PLOD2: variants seen among roughly 807,000 people sequenced by gnomAD.
PLOD2 encodes lysine hydroxylase 2.
A neutral mutation model predicts 101.0 loss-of-function variants in PLOD2; 65 were observed. That is an observed-to-expected ratio of 0.64 (90% CI 0.53 to 0.79). PLOD2 has a LOEUF of 0.79. Ranked by LOEUF, PLOD2 falls within the 30% of genes least tolerant of loss-of-function variation. The pLI, the probability that PLOD2 is intolerant of heterozygous loss-of-function variation, is 0.00. For synonymous variants in PLOD2, 314 were observed against 302.9 expected, an observed-to-expected ratio of 1.04 and a Z score of -0.38; for missense variants, 909 against 914.6, an observed-to-expected ratio of 0.99 and a Z score of 0.08.
At chr3:146,147,507 G>T (rs989125163) in intron 1 of PLOD2, among the ~76,000 whole-genome samples, 1 of 152,202 alleles carries the variant, frequency 6.6e-6, no homozygotes, top group Non-Finnish European at 1.5e-5. Flanking sequence ...TGACATTTGG[G>T]GCCAGATAAT....
chr3:146,142,738 AT>A (rs1232060535), intron 1 of PLOD2, among the ~76,000 whole-genome samples: 2 of 152,128 alleles, frequency 1.3e-5, no homozygotes, highest in Non-Finnish European at 2.9e-5. Context: ...AGTACAATAA[AT>A]AACAAACGAT....
intron 9 of PLOD2, 142 bp downstream of exon 9, chr3:146,088,444 C>A: frequency 1.6e-6 from 1 of 619,560 alleles, no homozygotes; most frequent in South Asian, 2.0e-5. Flanking sequence ...ATCCTTAGGT[C>A]CTAAAAAGGC....
At position 146,086,973 on chromosome 3, in the gene PLOD2, T is replaced by A. The variant is rs1315132400; in HGVS notation, c.1006-65A>T. ...CAATCAGATGACTGAAGTATTCATA[T>A]TAGAGAGTGCTTCACATTCAAGGTC... On this transcript the variant is annotated intron_variant, in intron 9 of 19. Transcript: ENST00000282903. 8.6e-6 allele frequency: 8 copies of A among 932,134 alleles called. No homozygotes were observed. The East Asian group carries it at 2.1e-4, about 24-fold the overall frequency. The allele number at this position is 932,134 out of a possible 1,614,324, so 57.7% of individuals were successfully genotyped here.
At chr3:146,126,414 AAC>A (rs1190508680) in intron 1 of PLOD2, among the ~76,000 whole-genome samples, 89 of 152,314 alleles carry the variant, frequency 5.8e-4, no homozygotes, top group Middle Eastern at 3.4e-3. Flanking sequence ...TCAAGAATTC[AAC>A]CATCTCACCA....
chr3:146,144,085 A>C (rs2031656898), intron 1 of PLOD2, among the ~76,000 whole-genome samples: 1 of 152,102 alleles, frequency 6.6e-6, no homozygotes, highest in African/African-American at 2.4e-5. Flanking sequence ...AATGTAACCA[A>C]AGATAAAAAG....
chr3:146,104,585 ACAC>A (rs1937503948), intron 5 of PLOD2, among the ~76,000 whole-genome samples: 1 of 152,242 alleles, frequency 6.6e-6, no homozygotes, highest in Non-Finnish European at 1.5e-5. Flanking sequence ...AACTACAAAC[ACAC>A]AAGTAACTTT....
At chr3:146,094,018 T>A (rs1937065235) in intron 7 of PLOD2, among the ~76,000 whole-genome samples, 2 of 152,076 alleles carry the variant, frequency 1.3e-5, no homozygotes, top group South Asian at 4.1e-4. Flanking sequence ...CACCCCCCAT[T>A]TACATCTGTT....
At chr3:146,152,909 A>G (rs936715593) in intron 1 of PLOD2, among the ~76,000 whole-genome samples, 12 of 152,126 alleles carry the variant, frequency 7.9e-5, no homozygotes, top group Admixed American at 4.6e-4. Context: ...GCCCTTGGTT[A>G]CTTAGTAAAG....
intron 1 of PLOD2, among the ~76,000 whole-genome samples, chr3:146,125,356 T>C (rs950881535): frequency 4.6e-5 from 7 of 151,282 alleles, no homozygotes; most frequent in African/African-American, 9.7e-5. Flanking sequence ...AAGTACAATA[T>C]ACAAAGAAAT....
intron 15 of PLOD2, among the ~76,000 whole-genome samples, chr3:146,074,525 A>C (rs1936263464): frequency 6.6e-6 from 1 of 151,460 alleles, no homozygotes; most frequent in African/African-American, 2.4e-5. Flanking sequence ...AAATTTTAAT[A>C]AATTTCATGT....
In PLOD2 at chr3:146,070,768, A is replaced by G; in HGVS notation, c.2226T>C (p.Leu742=). ...PGRLTHLHEG[L]PVKNGTRYIA... is the part of the protein sequence containing the mutation. ...TGTATCTTGTTCCATTTTTAACAGGAAGTCCTTCATGCAAATGTGTGAGTC... is the reference window on the plus strand; with the variant it reads ...TGTATCTTGTTCCATTTTTAACAGGGAGTCCTTCATGCAAATGTGTGAGTC... Residue 742 remains leucine, a synonymous_variant, in exon 20 of 20, where the codon CTT becomes CTC. Transcript: ENST00000282903. 6.2e-7 allele frequency: 1 copy of G among 1,609,526 alleles called. No homozygotes were observed. The highest frequency in any genetic ancestry group is 8.5e-7 in the Non-Finnish European group (1 of 1,176,514).
At position 146,073,372 on chromosome 3, in the gene PLOD2, T is replaced by C. The variant is rs768904046; in HGVS notation, c.1678-20A>G. 3.5e-6 allele frequency: 3 copies of C among 861,068 alleles called. No homozygotes were observed. The South Asian group carries it at 4.7e-5, about 14-fold the overall frequency. The allele number at this position is 861,068 out of a possible 1,614,324, so 53.3% of individuals were successfully genotyped here. ...CCAGTCCTATAAAAAGAAGTACATATTAAAACAAATATCTTTATAAATACT... is the reference window on the plus strand; with the variant it reads ...CCAGTCCTATAAAAAGAAGTACATACTAAAACAAATATCTTTATAAATACT... On this transcript the variant is annotated intron_variant, in intron 15 of 19. Transcript: ENST00000282903.
chr3:146,114,007 C>G (rs1415158940), intron 3 of PLOD2, among the ~76,000 whole-genome samples: 2 of 152,118 alleles, frequency 1.3e-5, no homozygotes, highest in African/African-American at 4.8e-5. Flanking sequence ...GTCTGTCTTA[C>G]ACGGTTGCAG....
At chr3:146,155,905 T>C (rs1323450433) in intron 1 of PLOD2, among the ~76,000 whole-genome samples, 1 of 152,140 alleles carries the variant, frequency 6.6e-6, no homozygotes, top group Non-Finnish European at 1.5e-5. Flanking sequence ...AAATACTCAT[T>C]GATAAACGTG....
rs2032557861 is a variant in PLOD2 at position 146,161,046 on chromosome 3, T to C, written c.-57A>G. 1 of 1,256,138 alleles carries C rather than the reference T, an allele frequency of 8.0e-7. No individual in the cohort carries two copies. Among genetic ancestry groups the C allele is most frequent in the African/African-American group, 1.5e-5 (1 of 66,790 alleles). The allele number at this position is 1,256,138 out of a possible 1,614,324, so 77.8% of individuals were successfully genotyped here. ...CGCCCACGGCCCCGCAGCGCCGCGC[T>C]TCTCGCGAGAACGCAGAGACCCGGG... On this transcript the variant is annotated 5_prime_UTR_variant, in exon 1 of 20. Transcript: ENST00000282903.
intron 1 of PLOD2, among the ~76,000 whole-genome samples, chr3:146,139,881 T>C (rs751785475): frequency 1.3e-5 from 2 of 152,242 alleles, no homozygotes; most frequent in Non-Finnish European, 2.9e-5. Flanking sequence ...GGTCTTTCCC[T>C]GCCTTCCTCC....
At chr3:146,131,296 T>C (rs75433957) in intron 1 of PLOD2, among the ~76,000 whole-genome samples, 2 of 152,314 alleles carry the variant, frequency 1.3e-5, no homozygotes, top group Middle Eastern at 3.4e-3. Flanking sequence ...TAATAAGTCA[T>C]AGACATGAGT....
chr3:146,071,507 T>A (rs1576568340), intron 17 of PLOD2, 84 bp from the exon 18 acceptor site: 13 of 1,244,476 alleles, frequency 1.0e-5, no homozygotes, highest in Middle Eastern at 4.1e-4. Context: ...CAACCACAGA[T>A]CATAATAGAC....
intron 3 of PLOD2, among the ~76,000 whole-genome samples, chr3:146,119,893 C>T (rs1244953546): frequency 6.6e-6 from 1 of 152,148 alleles, no homozygotes; most frequent in Non-Finnish European, 1.5e-5. Flanking sequence ...AATAGTGCCG[C>T]GATAAACATA....
Sources: gnomAD v4.1 joint callset for allele counts (sites outside exome capture counted in the v4.1 genomes callset) on GRCh38, gnomAD v4.1.1 for gene constraint, MANE v1.5 for transcripts, NCBI Gene and HGNC (gene_info 2026-07-23, HGNC 2026-07-21) for gene names.